WLS: variants seen among roughly 807,000 people sequenced by gnomAD.
WLS encodes the protein Wnt ligand secretion mediator.
In WLS, 23 loss-of-function variants were observed where a neutral mutation model predicts 62.8. That is an observed-to-expected ratio of 0.37 (90% CI 0.26 to 0.52). The LOEUF (loss-of-function observed/expected upper bound fraction) is 0.52. WLS is among the 20% of genes least tolerant of loss of function. WLS has a pLI of 0.92. For missense variants in WLS, 615 were observed against 697.3 expected (o/e 0.88, Z 1.33); for synonymous variants, 246 against 244.1 (o/e 1.01, Z -0.07).
At chr1:68,193,619 T>C (rs1268007502) in intron 2 of WLS, among the ~76,000 whole-genome samples, 4 of 152,032 alleles carry the variant, frequency 2.6e-5, no homozygotes, top group African/African-American at 9.7e-5. Context: ...TGAACTCCCC[T>C]GTGACACTAG....
In WLS at chr1:68,150,117, G is replaced by T. The variant is rs552873824; in HGVS notation, c.972+71C>A. Reference sequence around the variant, plus strand: ...CCCACTGCTGACTAGAGGCAAAGGGGGGCAGGTGTCAGCTTGGCAGCCTGC... The same window carrying T: ...CCCACTGCTGACTAGAGGCAAAGGGTGGCAGGTGTCAGCTTGGCAGCCTGC... On this transcript the variant is annotated intron_variant, in intron 6 of 11. Transcript: ENST00000262348. 25 of 1,516,870 alleles carry T rather than the reference G, an allele frequency of 1.6e-5. No individual in the cohort carries two copies. In the Middle Eastern group the frequency reaches 2.3e-3, roughly 141 times the overall value. The allele number at this position is 1,516,870 out of a possible 1,614,324, so 94.0% of individuals were successfully genotyped here.
intron 6 of WLS, 66 bp downstream of exon 6, chr1:68,150,121 AG>A (rs1646806156): frequency 6.5e-7 from 1 of 1,530,422 alleles, no homozygotes; most frequent in Admixed American, 1.8e-5. Context: ...AAAGGGGGGC[AG>A]GTGTCAGCTT....
At chr1:68,110,986 G>T (rs1646222102) in intron 11 of WLS, among the ~76,000 whole-genome samples, 1 of 152,010 alleles carries the variant, frequency 6.6e-6, no homozygotes, top group Non-Finnish European at 1.5e-5. Context: ...TTTATTTAAA[G>T]AATTTTTTTG....
chr1:68,136,565 A>T (rs994491947), intron 11 of WLS, among the ~76,000 whole-genome samples: 35 of 152,254 alleles, frequency 2.3e-4, no homozygotes, highest in Admixed American at 1.5e-3. Flanking sequence ...TACTAAAGGC[A>T]TTAACATGTA....
At position 68,230,191 on chromosome 1, in the gene WLS, G is replaced by A. The variant is rs149573739; in HGVS notation, c.106+2003C>T. Among the ~76,000 whole-genome samples, 249 of 152,180 alleles carry A rather than the reference G, an allele frequency of 1.6e-3. 1 individual carries two copies. Among genetic ancestry groups the A allele is most frequent in the African/African-American group, 5.7e-3 (237 of 41,508 alleles). The stretch of plus-strand genomic sequence containing the variant: ...ATAATGGGCTCTGTCTGCAAAGCTA[G>A]GAGATCAGCCTAGAAAAAGAAACAC... On this transcript the variant is annotated intron_variant, in intron 1 of 11. Transcript: ENST00000262348.
chr1:68,102,338 G>C (rs1435858355), intron 11 of WLS, among the ~76,000 whole-genome samples: 1 of 152,150 alleles, frequency 6.6e-6, no homozygotes, highest in African/African-American at 2.4e-5. Flanking sequence ...CTCTTGTTTA[G>C]GCTGACTGTG....
At chr1:68,170,210 G>A (rs1024478748) in intron 2 of WLS, among the ~76,000 whole-genome samples, 3 of 134,164 alleles carry the variant, frequency 2.2e-5, no homozygotes, top group African/African-American at 5.8e-5. Flanking sequence ...TTCTTGCCCA[G>A]GCTGGAGTGC....
At position 68,153,339 on chromosome 1, in the gene WLS, C is replaced by T. The variant is rs963635677; in HGVS notation, c.803+178G>A. ...AGAGAGGTAGAACCCCGAGGATTTA[C>T]TTAATAACAACTTGCATAGGAAAAC... On this transcript the variant is annotated intron_variant, in intron 5 of 11. Transcript: ENST00000262348. Among the ~76,000 whole-genome samples the T allele has an allele frequency of 6.6e-5, 10 of 152,152 alleles. No individual in the cohort carries two copies. The East Asian group carries it at 1.7e-3, about 26-fold the overall frequency.
intron 10 of WLS, among the ~76,000 whole-genome samples, chr1:68,143,851 A>T (rs1275644867): frequency 6.6e-6 from 1 of 152,196 alleles, no homozygotes; most frequent in African/African-American, 2.4e-5. Flanking sequence ...ATTAAACCTT[A>T]GAACTGTTAA....
At chr1:68,142,455 C>A (rs1646699221) in intron 10 of WLS, 1 of 152,236 alleles carries the variant, frequency 6.6e-6, no homozygotes, top group African/African-American at 2.4e-5. Context: ...TACTGAGGGA[C>A]TGGAGGAACT....
rs2100664163 is a variant in WLS, at chr1:68,223,121, C to T, written c.106+9073G>A. 1.3e-5 allele frequency among the ~76,000 whole-genome samples: 2 copies of T among 152,126 alleles called. 1 individual carries two copies. Reference sequence around the variant, plus strand: ...GGCAAATCATCCCAACTCAGAAGGACAGACTTACAAAATGGCATAATCAAG... The same window carrying T: ...GGCAAATCATCCCAACTCAGAAGGATAGACTTACAAAATGGCATAATCAAG... On this transcript the variant is annotated intron_variant, in intron 1 of 11. Transcript: ENST00000262348.
At chr1:68,230,274 A>G (rs1650346556) in intron 1 of WLS, among the ~76,000 whole-genome samples, 1 of 152,138 alleles carries the variant, frequency 6.6e-6, no homozygotes, top group Non-Finnish European at 1.5e-5. Flanking sequence ...AAAACCTCAA[A>G]GAGGATGAAG....
chr1:68,228,453 G>A (rs1418063413), intron 1 of WLS, among the ~76,000 whole-genome samples: 1 of 151,992 alleles, frequency 6.6e-6, no homozygotes, highest in African/African-American at 2.4e-5. Flanking sequence ...CAGGGTACAT[G>A]GTCTCCTTCC....
At chr1:68,152,259 G>T (rs904118396) in intron 5 of WLS, among the ~76,000 whole-genome samples, 2 of 152,216 alleles carry the variant, frequency 1.3e-5, no homozygotes, top group Non-Finnish European at 2.9e-5. Flanking sequence ...AGAGTTGGGA[G>T]AGGCTGAGGC....
intron 8 of WLS, among the ~76,000 whole-genome samples, chr1:68,146,464 T>C (rs1306577433): frequency 6.6e-6 from 1 of 152,160 alleles, no homozygotes; most frequent in Non-Finnish European, 1.5e-5. Flanking sequence ...TCCCTAGATA[T>C]ATGGAATCAG....
At chr1:68,133,563 G>A (rs1016603055) in intron 11 of WLS, among the ~76,000 whole-genome samples, 1 of 152,158 alleles carries the variant, frequency 6.6e-6, no homozygotes, top group Admixed American at 6.6e-5. Flanking sequence ...TGAGGTATGA[G>A]CTAAGTACTG....
At chr1:68,210,560 TAGAA>T (rs1649472402) in intron 1 of WLS, among the ~76,000 whole-genome samples, 1 of 152,142 alleles carries the variant, frequency 6.6e-6, no homozygotes, top group Admixed American at 6.5e-5. Context: ...GTCGCTAAAA[TAGAA>T]AGATCCTAAC....
rs146556198 is a variant in WLS, at chr1:68,150,237, T to A, written c.923A>T (p.Tyr308Phe). 1.3e-5 allele frequency: 21 copies of A among 1,614,154 alleles called. No homozygotes were observed. The African/African-American group carries it at 2.7e-4, about 20-fold the overall frequency. ...GATCCAGAAGGACAGAAGCATCGCA[T>A]AGAAGATGCCCTGTCGGATGTCACC... ...LFGDIRQGIF[Y>F]AMLLSFWIIF... is the part of the protein sequence containing the mutation. Residue 308 changes from tyrosine to phenylalanine, a missense_variant, in exon 6 of 12, where the codon TAT (tyrosine) becomes TTT (phenylalanine). Transcript: ENST00000262348.
At chr1:68,197,399 T>C (rs1353391457) in intron 1 of WLS, among the ~76,000 whole-genome samples, 3 of 152,208 alleles carry the variant, frequency 2.0e-5, no homozygotes, top group Non-Finnish European at 4.4e-5. Context: ...CATCTCAAGC[T>C]ATACTGTGAG....
Sources: allele counts gnomAD v4.1 joint callset (sites outside exome capture counted in the v4.1 genomes callset), GRCh38; gene constraint gnomAD v4.1.1; transcripts MANE v1.5; gene names NCBI Gene and HGNC (gene_info 2026-07-23, HGNC 2026-07-21).